The following CCDC51 variants were observed in gnomAD, a reference collection of about 807,000 sequenced individuals.
The protein encoded by CCDC51 is mitochondrial potassium channel.
CCDC51 carries 25 observed loss-of-function variants against 24.8 expected under a neutral mutation model. The ratio of observed to expected loss-of-function variants is 1.01; its 90% CI spans 0.73 to 1.41. The LOEUF (loss-of-function observed/expected upper bound fraction) is 1.41, where lower values mean the gene tolerates loss of function less well. Among genes scored for constraint, CCDC51 ranks in the 40% most tolerant of loss-of-function variants. The pLI is 0.00. For missense variants in CCDC51, 466 were observed against 519.1 expected (o/e 0.90, Z 0.99); for synonymous variants, 190 against 204.3 (o/e 0.93, Z 0.60).
chr3:48,440,097 TG>T lies in CCDC51; in HGVS notation c.-119del. On this transcript the variant is annotated 5_prime_UTR_variant, in exon 1 of 4. Transcript: ENST00000395694. ...CAGGACAACCCTAGCTCCTCGTACC[TG>T]GCGTGGCCCGACCAATCGTCTGCCA... 1.2e-6 allele frequency: 1 copy of T among 837,814 alleles called. No homozygotes were observed. Among genetic ancestry groups the T allele is most frequent in the South Asian group, 1.9e-5 (1 of 53,754 alleles). 51.9% of individuals were successfully genotyped at this position (837,814 alleles called of 1,614,324 possible).
rs1575429099 is a variant in CCDC51 at position 48,440,093 on chromosome 3, T to C, written c.-114A>G. On this transcript the variant is annotated 5_prime_UTR_variant, in exon 1 of 4. Coordinates refer to ENST00000395694, the MANE Select transcript of CCDC51 (RefSeq NM_001256964.2). ...CTGGCAGGACAACCCTAGCTCCTCG[T>C]ACCTGGCGTGGCCCGACCAATCGTC... The C allele has an allele frequency of 1.1e-5, 9 of 815,844 alleles. No individual in the cohort carries two copies. The East Asian group carries it at 2.4e-4, about 22-fold the overall frequency. The allele number at this position is 815,844 out of a possible 1,614,324, so 50.5% of individuals were successfully genotyped here.
In CCDC51 at chr3:48,435,098, G is replaced by A; in HGVS notation, c.31C>T (p.Gln11Ter). 6.2e-7 allele frequency: 1 copy of A among 1,602,090 alleles called. No individual in the cohort carries two copies. Among genetic ancestry groups the A allele is most frequent in the Non-Finnish European group, 8.5e-7 (1 of 1,173,670 alleles). Residue 11 changes from glutamine (Q) to a stop codon, truncating the protein, a stop_gained, in exon 2 of 4, where the codon CAG (glutamine) becomes TAG (stop). Coordinates refer to ENST00000395694, the MANE Select transcript of CCDC51 (RefSeq NM_001256964.2). LOFTEE classifies it high-confidence loss of function. This position sits in a 1 kb window ranked among gnomAD's most constrained non-coding sequence, Gnocchi z 4.2. MMGRSPGFAM[Q>*]HIVGVPHVLV... Reference sequence around the variant, plus strand: ...ACGTGGGGCACACCCACGATGTGCTGCATGGCAAACCCAGGGCTGCGCCCC... The same window carrying A: ...ACGTGGGGCACACCCACGATGTGCTACATGGCAAACCCAGGGCTGCGCCCC...
upstream of CCDC51, among the ~76,000 whole-genome samples, chr3:48,441,339 TG>T (rs1216702334): frequency 1.3e-5 from 2 of 151,880 alleles, no homozygotes; most frequent in East Asian, 3.9e-4. Context: ...CCACCGCACC[TG>T]GCCAGTTTTT....
rs1034661742 is a variant in CCDC51 at position 48,437,540 on chromosome 3, G to A, written c.-8-2404C>T. On this transcript the variant is annotated intron_variant, in intron 1 of 3. Coordinates refer to ENST00000395694, the MANE Select transcript of CCDC51 (RefSeq NM_001256964.2). The surrounding 1 kb of genome is among the most constrained non-coding windows in gnomAD (Gnocchi z 4.2). The stretch of plus-strand genomic sequence containing the variant: ...CAGTCAGTGCAACTGGAAAGCAAAA[G>A]CAGAGAAGAGTGGATGGAGAGGCTG... Among the ~76,000 whole-genome samples, 1 of 152,164 alleles carries A rather than the reference G, an allele frequency of 6.6e-6. No individual in the cohort carries two copies. The highest frequency in any genetic ancestry group is 2.4e-5 in the African/African-American group (1 of 41,438).
chr3:48,438,614 G>A (rs1208862906), intron 1 of CCDC51, among the ~76,000 whole-genome samples: 1 of 152,040 alleles, frequency 6.6e-6, no homozygotes, highest in Non-Finnish European at 1.5e-5. Flanking sequence ...CCAAATCCAG[G>A]ATCCCTCCTC....
Position 48,440,065 on chromosome 3 carries a change from A to G in CCDC51, c.-86T>C. 2 of 677,160 alleles carry G rather than the reference A, an allele frequency of 3.0e-6. No individual in the cohort carries two copies. Among genetic ancestry groups the G allele is most frequent in the Non-Finnish European group, 4.8e-6 (2 of 418,784 alleles). 41.9% of individuals were successfully genotyped at this position (677,160 alleles called of 1,614,324 possible). ...GTACCCCTCCTACGGTTCCGATTCT[A>G]CCCTGGCAGGACAACCCTAGCTCCT... On this transcript the variant is annotated 5_prime_UTR_variant, in exon 1 of 4. Transcript: ENST00000395694.
At chr3:48,439,736 G>A (rs2039495818) in intron 1 of CCDC51, among the ~76,000 whole-genome samples, 1 of 152,156 alleles carries the variant, frequency 6.6e-6, no homozygotes, top group Non-Finnish European at 1.5e-5. Flanking sequence ...AGAGTTGTAT[G>A]GCCATCACCA....
chr3:48,444,379 TCTC>T (rs900349133), upstream of CCDC51, among the ~76,000 whole-genome samples: 30 of 152,118 alleles, frequency 2.0e-4, no homozygotes, highest in South Asian at 6.2e-4. Context: ...TTCAAACTAT[TCTC>T]CTGCTTTGGC....
At chr3:48,439,914 A>G (rs1440670843) in intron 1 of CCDC51, 74 bp downstream of exon 1, 2 of 328,382 alleles carry the variant, frequency 6.1e-6, no homozygotes, top group Non-Finnish European at 1.1e-5. Flanking sequence ...CCTCCACCCA[A>G]GCTGTGCTTT....
At chr3:48,442,757 A>G (rs544601409), upstream of CCDC51, among the ~76,000 whole-genome samples, 19 of 152,146 alleles carry the variant, frequency 1.2e-4, no homozygotes, top group African/African-American at 4.1e-4. Context: ...GCCCAATCCT[A>G]TGCTGTTTCT....
upstream of CCDC51, among the ~76,000 whole-genome samples, chr3:48,442,102 C>T (rs1319366343): frequency 2.0e-5 from 3 of 151,934 alleles, no homozygotes; most frequent in Admixed American, 6.6e-5. Flanking sequence ...GGTGGCGGCC[C>T]GTTTCCTGTA....
upstream of CCDC51, chr3:48,440,588 C>T (rs1193047806): frequency 4.3e-6 from 7 of 1,611,642 alleles, no homozygotes; most frequent in African/African-American, 1.3e-5. Flanking sequence ...AGAAGAAACT[C>T]GAGGAGCTAA....
At chr3:48,434,070 C>T (rs566984992) in intron 2 of CCDC51, 199 bp from the exon 3 acceptor site, 40 of 1,207,134 alleles carry the variant, frequency 3.3e-5, no homozygotes, top group East Asian at 1.2e-4. Flanking sequence ...ATCAGAATCA[C>T]GAGATTTAGC....
In CCDC51 at chr3:48,432,617, A is replaced by G. The variant is rs1175809383; in HGVS notation, c.1027T>C (p.Ser343Pro). Residue 343 changes from serine (S) to proline (P), a missense_variant, in exon 4 of 4, where the codon TCT becomes CCT. Physicochemically the swap from Ser to Pro is moderately conservative, Grantham distance 74. Coordinates refer to ENST00000395694, the MANE Select transcript of CCDC51 (RefSeq NM_001256964.2). ...TCCACCAGGCCTGGGTGTGCTGCAGACTTTACAAGCTGAACCACCCCAGCC... is the reference window on the plus strand; with the variant it reads ...TCCACCAGGCCTGGGTGTGCTGCAGGCTTTACAAGCTGAACCACCCCAGCC... ...QMAGVVQLVK[S>P]AAHPGLVEPA... 1 of 1,614,128 alleles carries G rather than the reference A, an allele frequency of 6.2e-7. No individual in the cohort carries two copies. The highest frequency in any genetic ancestry group is 8.5e-7 in the Non-Finnish European group (1 of 1,180,052).
rs370634665 is a variant in CCDC51, at chr3:48,432,853, T to C, written c.791A>G (p.Asn264Ser). The C allele has an allele frequency of 1.3e-5, 21 of 1,613,542 alleles. No individual in the cohort carries two copies. In the African/African-American group the frequency reaches 2.4e-4, roughly 18 times the overall value. Residue 264 changes from asparagine (N) to serine (S), a missense_variant, in exon 4 of 4, where the codon AAT becomes AGT. Asn to Ser is a conservative substitution (Grantham distance 46). Transcript: ENST00000395694. ...SYSRQQRDLH[N>S]LMVDLRGLVH... is the part of the protein sequence containing the mutation. Reference sequence around the variant, plus strand: ...CAGGCCCCTCAGGTCCACCATGAGATTGTGGAGGTCCCTCTGCTGGCGGGA... The same window carrying C: ...CAGGCCCCTCAGGTCCACCATGAGACTGTGGAGGTCCCTCTGCTGGCGGGA...
intron 1 of CCDC51, among the ~76,000 whole-genome samples, chr3:48,438,940 C>T (rs1295367963): frequency 6.6e-6 from 1 of 152,176 alleles, no homozygotes; most frequent in African/African-American, 2.4e-5. Flanking sequence ...CACTCCACTC[C>T]AAGCACATGG....
chr3:48,437,650 C>G lies in CCDC51; in HGVS notation c.-9+2338G>C, dbSNP rs934035707. On this transcript the variant is annotated intron_variant, in intron 1 of 3. Transcript: ENST00000395694. This position sits in a 1 kb window ranked among gnomAD's most constrained non-coding sequence, Gnocchi z 4.2. ...TCCCGCTCTATGTAGATGGCTGTCTCCTACCAACTGCCCCTTCCTCAAGCC... is the reference window on the plus strand; with the variant it reads ...TCCCGCTCTATGTAGATGGCTGTCTGCTACCAACTGCCCCTTCCTCAAGCC... 6.6e-6 allele frequency among the ~76,000 whole-genome samples: 1 copy of G among 152,150 alleles called. No homozygotes were observed. The highest frequency in any genetic ancestry group is 1.5e-5 in the Non-Finnish European group (1 of 68,044).
upstream of CCDC51, among the ~76,000 whole-genome samples, chr3:48,442,491 G>C (rs1443892683): frequency 7.4e-6 from 1 of 135,296 alleles, no homozygotes; most frequent in African/African-American, 2.8e-5. Flanking sequence ...TCACTCTGTC[G>C]CCCAGGCTGG....
upstream of CCDC51, among the ~76,000 whole-genome samples, chr3:48,441,250 T>TAGA (rs2039556846): frequency 6.6e-6 from 1 of 152,116 alleles, no homozygotes; most frequent in Non-Finnish European, 1.5e-5. Context: ...TTCACCATCT[T>TAGA]AGCCAGGCTG....
Sources: allele counts gnomAD v4.1 joint callset (sites outside exome capture counted in the v4.1 genomes callset), GRCh38; gene constraint gnomAD v4.1.1; non-coding constraint Gnocchi (gnomAD v3.1); transcripts MANE v1.5; gene names NCBI Gene and HGNC (gene_info 2026-07-23, HGNC 2026-07-21).